The following SLC14A1 variants were observed in gnomAD, a reference collection of about 807,000 sequenced individuals.
SLC14A1 encodes the protein urea transporter 1.
Under a neutral mutation model 39.6 loss-of-function variants are expected in SLC14A1, and 36 were observed. The ratio of observed to expected loss-of-function variants is 0.91; its 90% CI spans 0.70 to 1.20. The LOEUF is 1.20. Among genes scored for constraint, SLC14A1 ranks in the 50% most tolerant of loss-of-function variants. The probability of loss-of-function intolerance (pLI) is 0.00; values close to 1 mark genes in which losing one functional copy is unlikely to be tolerated. For synonymous variants in SLC14A1, 164 were observed against 173.6 expected (o/e 0.94, Z 0.43); for missense variants, 469 against 478.7 (o/e 0.98, Z 0.19).
intron 1 of SLC14A1, 180 bp from the exon 2 acceptor site, chr18:45,724,770 G>A (rs1463339111): frequency 6.6e-6 from 1 of 152,180 alleles, no homozygotes; most frequent in Non-Finnish European, 1.5e-5. Context: ...GAATGTTCTT[G>A]TGCACCCATC....
intron 8 of SLC14A1, among the ~76,000 whole-genome samples, chr18:45,744,906 C>A (rs1392383039): frequency 6.6e-6 from 1 of 152,138 alleles, no homozygotes; most frequent in African/African-American, 2.4e-5. Context: ...CTGTCCATTG[C>A]ACCGATCACA....
chr18:45,734,066 A>G, intron 4 of SLC14A1: 1 of 590,008 alleles, frequency 1.7e-6, no homozygotes, highest in Non-Finnish European at 2.9e-6. Flanking sequence ...CACTGATCTA[A>G]ATGCACATTT....
chr18:45,724,585 T>C (rs2046812969), intron 1 of SLC14A1, among the ~76,000 whole-genome samples: 2 of 152,324 alleles, frequency 1.3e-5, no homozygotes, highest in South Asian at 4.2e-4. Context: ...TCTGGGTTAA[T>C]CAACACTATT....
At chr18:45,727,226 G>T in intron 2 of SLC14A1, 2 of 1,545,918 alleles carry the variant, frequency 1.3e-6, no homozygotes, top group Non-Finnish European at 1.8e-6. Flanking sequence ...ACGTCATGCT[G>T]ATTCACATAT....
At chr18:45,726,749 C>G (rs959734438) in intron 2 of SLC14A1, 3 of 153,078 alleles carry the variant, frequency 2.0e-5, no homozygotes, top group African/African-American at 7.2e-5. Flanking sequence ...TGGCTAGTAT[C>G]TTATTACAGA....
intron 8 of SLC14A1, among the ~76,000 whole-genome samples, chr18:45,743,354 G>A (rs575021003): frequency 1.3e-5 from 2 of 152,082 alleles, no homozygotes; most frequent in South Asian, 2.1e-4. Flanking sequence ...AGATGTAGAC[G>A]TCTTTGGAGA....
chr18:45,744,018 C>T (rs1413830673), intron 8 of SLC14A1, among the ~76,000 whole-genome samples: 2 of 147,174 alleles, frequency 1.4e-5, no homozygotes, highest in Non-Finnish European at 3.0e-5. Context: ...ACCTTCTGTA[C>T]TTTTTTTTTT....
chr18:45,738,220 T>C (rs17675121), intron 6 of SLC14A1, among the ~76,000 whole-genome samples: 72,223 of 152,036 alleles, frequency 0.48, 17,311 homozygotes, highest in East Asian at 0.52. Flanking sequence ...CTCCCTCTGG[T>C]AGAGTCACTG....
chr18:45,731,696 C>A (rs577202725), intron 4 of SLC14A1: 14 of 217,836 alleles, frequency 6.4e-5, no homozygotes, highest in African/African-American at 3.0e-4. Flanking sequence ...TGAGTGGATT[C>A]TGACTTAAGA....
At chr18:45,729,363 G>T (rs1254062688) in intron 2 of SLC14A1, 1 of 152,170 alleles carries the variant, frequency 6.6e-6, no homozygotes, top group East Asian at 1.9e-4. Context: ...TCAGCACAAT[G>T]AAATCATCAT....
Position 45,751,276 on chromosome 18 carries a change from G to T in SLC14A1, c.*1325G>T. 2 of 596,958 alleles carry T rather than the reference G, an allele frequency of 3.4e-6. No homozygotes were observed. Among genetic ancestry groups the T allele is most frequent in the Non-Finnish European group, 4.2e-6 (2 of 477,642 alleles). The allele number at this position is 596,958 out of a possible 1,614,324, so 37.0% of individuals were successfully genotyped here. A position where few individuals can be genotyped will look rare whatever the true frequency, so the allele number is the denominator to read the frequency against. On this transcript the variant is annotated 3_prime_UTR_variant, in exon 10 of 10. Coordinates refer to ENST00000321925, the MANE Select transcript of SLC14A1 (RefSeq NM_015865.7). ...AATGACTTGAGCCCAGGAGGAGGAGGCTGCAGTGAGCTAAGATTGCACCAC... is the reference window on the plus strand; with the variant it reads ...AATGACTTGAGCCCAGGAGGAGGAGTCTGCAGTGAGCTAAGATTGCACCAC...
At chr18:45,745,517 G>A (rs1181003703) in intron 8 of SLC14A1, among the ~76,000 whole-genome samples, 1 of 152,144 alleles carries the variant, frequency 6.6e-6, no homozygotes, top group Admixed American at 6.5e-5. Context: ...TATATGATAA[G>A]TGCCCTTTTG....
In SLC14A1 at chr18:45,751,664, C is replaced by A; in HGVS notation, c.*1713C>A. On this transcript the variant is annotated 3_prime_UTR_variant, in exon 10 of 10. Coordinates refer to ENST00000321925, the MANE Select transcript of SLC14A1 (RefSeq NM_015865.7). ...CAGGTGTAGCAGCACACATCTGCAG[C>A]AGCTACTCAGGAGGCTGAGGTGGAA... is the stretch of plus-strand genomic sequence containing the variant. 2.4e-6 allele frequency: 1 copy of A among 423,218 alleles called. No homozygotes were observed. Among genetic ancestry groups the A allele is most frequent in the Non-Finnish European group, 3.2e-6 (1 of 316,778 alleles). 26.2% of individuals were successfully genotyped at this position (423,218 alleles called of 1,614,324 possible).
chr18:45,747,766 AG>A (rs1303969663), intron 8 of SLC14A1, among the ~76,000 whole-genome samples: 1 of 152,198 alleles, frequency 6.6e-6, no homozygotes, highest in Non-Finnish European at 1.5e-5. Flanking sequence ...GATGTTATCA[AG>A]GGGAGGAATC....
intron 4 of SLC14A1, chr18:45,734,033 C>T (rs1376921154): frequency 2.2e-6 from 1 of 461,530 alleles, no homozygotes; most frequent in African/African-American, 2.0e-5. Flanking sequence ...AAACCTGTCC[C>T]TGGGGCCAAA....
Position 45,751,613 on chromosome 18 carries a change from T to A in SLC14A1, c.*1662T>A. 1 of 648,434 alleles carries A rather than the reference T, an allele frequency of 1.5e-6. No homozygotes were observed. Among genetic ancestry groups the A allele is most frequent in the Non-Finnish European group, 1.9e-6 (1 of 523,476 alleles). The allele number at this position is 648,434 out of a possible 1,614,324, so 40.2% of individuals were successfully genotyped here. A position where few individuals can be genotyped will look rare whatever the true frequency, so the allele number is the denominator to read the frequency against. On this transcript the variant is annotated 3_prime_UTR_variant, in exon 10 of 10. Transcript: ENST00000321925. ...GGCAACATAGCAAGACTCCATCTCT[T>A]AAAAAATAAAAATAGTAACATTAGC...
chr18:45,744,025 T>A (rs1170094877), intron 8 of SLC14A1, among the ~76,000 whole-genome samples: 2 of 151,888 alleles, frequency 1.3e-5, no homozygotes, highest in African/African-American at 4.8e-5. Context: ...GTACTTTTTT[T>A]TTTTTGAGAC....
intron 2 of SLC14A1, chr18:45,727,508 T>C (rs2046905461): frequency 7.0e-7 from 1 of 1,420,582 alleles, no homozygotes; most frequent in Non-Finnish European, 9.3e-7. Context: ...GCCTGGGAAG[T>C]GGGGGTTGGC....
chr18:45,751,808 A>T lies in SLC14A1; in HGVS notation c.*1857A>T, dbSNP rs1188031042. Reference sequence around the variant, plus strand: ...AAAAAATTAATTAATTAATTAATTAATTAATTTAAAAAGGAAGTCATGTTC... The same window carrying T: ...AAAAAATTAATTAATTAATTAATTATTTAATTTAAAAAGGAAGTCATGTTC... On this transcript the variant is annotated 3_prime_UTR_variant, in exon 10 of 10. Coordinates refer to ENST00000321925, the MANE Select transcript of SLC14A1 (RefSeq NM_015865.7). 1 of 913,996 alleles carries T rather than the reference A, an allele frequency of 1.1e-6. No individual in the cohort carries two copies. Among genetic ancestry groups the T allele is most frequent in the Non-Finnish European group, 1.3e-6 (1 of 765,480 alleles). 56.6% of individuals were successfully genotyped at this position (913,996 alleles called of 1,614,324 possible).
Sources: gnomAD v4.1 joint callset for allele counts (sites outside exome capture counted in the v4.1 genomes callset) on GRCh38, gnomAD v4.1.1 for gene constraint, MANE v1.5 for transcripts, NCBI Gene and HGNC (gene_info 2026-07-23, HGNC 2026-07-21) for gene names.